The following SKAP2 variants were observed in gnomAD, a reference collection of about 807,000 sequenced individuals.
SKAP2 encodes src kinase associated phosphoprotein 2, also known as src kinase-associated phosphoprotein 2.
Under a neutral mutation model 54.9 loss-of-function variants are expected in SKAP2, and 28 were observed. The observed-to-expected ratio is 0.51, with a 90% confidence interval of 0.38 to 0.70. SKAP2 has a LOEUF of 0.70. SKAP2 is among the 30% of genes least tolerant of loss of function. SKAP2 has a pLI of 0.00. For missense variants in SKAP2, 356 were observed against 424.1 expected, an observed-to-expected ratio of 0.84 and a Z score of 1.41; for synonymous variants, 137 against 134.3, an observed-to-expected ratio of 1.02 and a Z score of -0.14.
chr7:26,760,235 C>A (rs1333997398), intron 4 of SKAP2, among the ~76,000 whole-genome samples: 1 of 151,914 alleles, frequency 6.6e-6, no homozygotes, highest in African/African-American at 2.4e-5. Context: ...ACTGAAACTA[C>A]TCAAAAGGAA....
chr7:26,707,693 G>A (rs763057438), intron 9 of SKAP2, among the ~76,000 whole-genome samples: 5 of 152,122 alleles, frequency 3.3e-5, no homozygotes, highest in Non-Finnish European at 7.4e-5. Flanking sequence ...CAGGAGACAA[G>A]GCTTTGGGCC....
At chr7:26,799,343 A>G (rs1216048646) in intron 4 of SKAP2, among the ~76,000 whole-genome samples, 1 of 152,180 alleles carries the variant, frequency 6.6e-6, no homozygotes, top group Non-Finnish European at 1.5e-5. Flanking sequence ...ATAAGCACAC[A>G]TAGACTAAAA....
chr7:26,720,010 C>T (rs989522484), intron 9 of SKAP2, among the ~76,000 whole-genome samples: 1 of 151,224 alleles, frequency 6.6e-6, no homozygotes, highest in Non-Finnish European at 1.5e-5. Flanking sequence ...CATTGTAGGT[C>T]GTTTAACAGC....
intron 4 of SKAP2, chr7:26,746,491 A>T (rs527424114): frequency 6.6e-6 from 1 of 152,310 alleles, no homozygotes; most frequent in South Asian, 2.1e-4. Context: ...TAACTTGGAT[A>T]TAAATATTAA....
intron 9 of SKAP2, among the ~76,000 whole-genome samples, chr7:26,692,160 T>C (rs1786799391): frequency 6.6e-6 from 1 of 150,676 alleles, no homozygotes; most frequent in African/African-American, 2.5e-5. Flanking sequence ...GGAACTAGAA[T>C]GGATAAGCTT....
At chr7:26,799,578 T>G (rs541681804) in intron 4 of SKAP2, among the ~76,000 whole-genome samples, 2 of 152,118 alleles carry the variant, frequency 1.3e-5, no homozygotes, top group Non-Finnish European at 2.9e-5. Flanking sequence ...TTATCAGAGC[T>G]AAAGAAAGAG....
chr7:26,704,636 T>C (rs186956348), intron 9 of SKAP2, among the ~76,000 whole-genome samples: 22 of 152,280 alleles, frequency 1.4e-4, no homozygotes, highest in Admixed American at 1.4e-3. Flanking sequence ...AAATAGGTTA[T>C]AATGGCTGAA....
At chr7:26,775,883 T>C (rs938465451) in intron 4 of SKAP2, among the ~76,000 whole-genome samples, 9 of 152,224 alleles carry the variant, frequency 5.9e-5, no homozygotes, top group Admixed American at 4.6e-4. Flanking sequence ...TTTTTTATTG[T>C]TGACTGGTAT....
At position 26,725,413 on chromosome 7, in the gene SKAP2, C is replaced by A; in HGVS notation, c.796+15G>T. The A allele has an allele frequency of 6.3e-7, 1 of 1,599,786 alleles. No individual in the cohort carries two copies. Among genetic ancestry groups the A allele is most frequent in the Non-Finnish European group, 8.5e-7 (1 of 1,170,764 alleles). On this transcript the variant is annotated intron_variant, in intron 9 of 12. Coordinates refer to ENST00000345317, the MANE Select transcript of SKAP2 (RefSeq NM_003930.5). ...AGCCCTAAAATCTTTAAATGAATCA[C>A]CAGAAAGTAAATACCTGGAAGTTCT...
intron 4 of SKAP2, among the ~76,000 whole-genome samples, chr7:26,747,337 T>C (rs1014562265): frequency 5.3e-5 from 8 of 152,216 alleles, no homozygotes; most frequent in East Asian, 3.9e-4. Context: ...AGTAGAACCA[T>C]AGAATTCTCA....
intron 1 of SKAP2, 87 bp downstream of exon 1, chr7:26,864,276 A>G: frequency 1.3e-6 from 2 of 1,513,332 alleles, no homozygotes; most frequent in Non-Finnish European, 1.8e-6. Context: ...GAGGGAGGAT[A>G]AGGGCTCTGA....
At chr7:26,836,891 T>C (rs1401128254) in intron 4 of SKAP2, among the ~76,000 whole-genome samples, 1 of 152,214 alleles carries the variant, frequency 6.6e-6, no homozygotes, top group Non-Finnish European at 1.5e-5. Context: ...TGAACACGTA[T>C]GTTTATCACA....
At chr7:26,830,048 A>G (rs1284084651) in intron 4 of SKAP2, among the ~76,000 whole-genome samples, 2 of 152,222 alleles carry the variant, frequency 1.3e-5, no homozygotes, top group South Asian at 2.1e-4. Flanking sequence ...CACAGGAAGC[A>G]TTATCGGGCC....
chr7:26,827,984 T>C (rs928852237), intron 4 of SKAP2, among the ~76,000 whole-genome samples: 1 of 152,134 alleles, frequency 6.6e-6, no homozygotes, highest in African/African-American at 2.4e-5. Flanking sequence ...CATACATACA[T>C]ACATATCTTA....
intron 9 of SKAP2, among the ~76,000 whole-genome samples, chr7:26,717,875 A>C (rs1441387055): frequency 2.6e-5 from 4 of 151,728 alleles, no homozygotes; most frequent in Admixed American, 2.6e-4. Context: ...TTAAAAAATT[A>C]AAAAATATTT....
intron 11 of SKAP2, among the ~76,000 whole-genome samples, chr7:26,682,178 T>A (rs1014910965): frequency 4.6e-5 from 7 of 152,224 alleles, no homozygotes; most frequent in African/African-American, 1.7e-4. Flanking sequence ...TATTCACATA[T>A]TAAATGAATT....
At chr7:26,828,676 C>CGAA (rs1784542975) in intron 4 of SKAP2, among the ~76,000 whole-genome samples, 1 of 100,110 alleles carries the variant, frequency 1.0e-5, no homozygotes. Flanking sequence ...GACTCTGTCT[C>CGAA]AAAAAAAAAA....
chr7:26,720,825 A>G (rs1231492584), intron 9 of SKAP2, among the ~76,000 whole-genome samples: 1 of 152,174 alleles, frequency 6.6e-6, no homozygotes, highest in African/African-American at 2.4e-5. Context: ...TGCCCCCATC[A>G]TTCAATTATC....
At chr7:26,740,723 C>T (rs984290008) in intron 4 of SKAP2, among the ~76,000 whole-genome samples, 2 of 152,138 alleles carry the variant, frequency 1.3e-5, no homozygotes, top group South Asian at 2.1e-4. Flanking sequence ...CAGTGGCTCA[C>T]GCTTGTAATC....
Sources: allele counts gnomAD v4.1 joint callset (sites outside exome capture counted in the v4.1 genomes callset), GRCh38; gene constraint gnomAD v4.1.1; transcripts MANE v1.5; gene names NCBI Gene and HGNC (gene_info 2026-07-23, HGNC 2026-07-21).